The following MAP3K2 variants were observed in gnomAD, a reference collection of about 807,000 sequenced individuals.
The protein encoded by MAP3K2 is MAP/ERK kinase kinase 2.
MAP3K2 carries 24 observed loss-of-function variants against 80.3 expected under a neutral mutation model. The ratio of observed to expected loss-of-function variants is 0.30; its 90% CI spans 0.22 to 0.42. The LOEUF is 0.42. MAP3K2 is among the 10% of genes least tolerant of loss of function. The pLI is 1.00. For synonymous variants in MAP3K2, 244 were observed against 253.7 expected (o/e 0.96, Z 0.36); for missense variants, 608 against 750.1 (o/e 0.81, Z 2.21).
At chr2:127,370,127 C>T (rs548451788) in intron 1 of MAP3K2, among the ~76,000 whole-genome samples, 334 of 151,394 alleles carry the variant, frequency 2.2e-3, no homozygotes, top group Non-Finnish European at 3.6e-3. Context: ...TGGGGGTGGG[C>T]GCAGCACGAC....
chr2:127,303,715 A>G lies in MAP3K2; in HGVS notation c.*3864T>C, dbSNP rs992264176. The G allele has an allele frequency of 6.6e-6, 1 of 152,144 alleles. No homozygotes were observed. Among genetic ancestry groups the G allele is most frequent in the African/African-American group, 2.4e-5 (1 of 41,448 alleles). 9.4% of individuals were successfully genotyped at this position (152,144 alleles called of 1,614,324 possible). A position where few individuals can be genotyped will look rare whatever the true frequency, so the allele number is the denominator to read the frequency against. The stretch of plus-strand genomic sequence containing the variant: ...AATAAGTTACAATTATTGAACAAAC[A>G]AAGAAGATTCATTCTATTAAAAAAG... On this transcript the variant is annotated 3_prime_UTR_variant, in exon 17 of 17. Transcript: ENST00000682094.
intron 6 of MAP3K2, 27 bp downstream of exon 6, chr2:127,330,365 T>C (rs1422207603): frequency 1.3e-5 from 15 of 1,172,930 alleles, no homozygotes; most frequent in East Asian, 4.8e-5. Flanking sequence ...CTATAATTCT[T>C]ACTGAAAAAA....
At chr2:127,388,057 G>A (rs1574015036), upstream of MAP3K2, 1 of 983,600 alleles carries the variant, frequency 1.0e-6, no homozygotes, top group African/African-American at 1.8e-5. Flanking sequence ...AACCCGCCGC[G>A]GGCGCGCGCC....
intron 1 of MAP3K2, among the ~76,000 whole-genome samples, chr2:127,367,004 G>A (rs1422579782): frequency 1.3e-5 from 2 of 151,080 alleles, no homozygotes; most frequent in African/African-American, 4.9e-5. Flanking sequence ...CCGAGTAGCT[G>A]GGATTACAGG....
chr2:127,386,122 A>C (rs912438831), intron 1 of MAP3K2, among the ~76,000 whole-genome samples: 1 of 152,254 alleles, frequency 6.6e-6, no homozygotes, highest in South Asian at 2.1e-4. Context: ...ATAATATACT[A>C]GGAAAATTAC....
chr2:127,341,104 C>T (rs1686473886), intron 2 of MAP3K2, among the ~76,000 whole-genome samples: 1 of 151,908 alleles, frequency 6.6e-6, no homozygotes, highest in African/African-American at 2.4e-5. Context: ...ATTCTCCTGC[C>T]TCAGCCTCCC....
In MAP3K2 at chr2:127,322,914, G is replaced by A. The variant is rs975408392; in HGVS notation, c.839-662C>T. Reference sequence around the variant, plus strand: ...CTGGCCAGTAATTTTTTTTCTTAAAGGGATGATGTAAGTATCAATCTCATC... The same window carrying A: ...CTGGCCAGTAATTTTTTTTCTTAAAAGGATGATGTAAGTATCAATCTCATC... On this transcript the variant is annotated intron_variant, in intron 11 of 16. Transcript: ENST00000682094. This position sits in a 1 kb window ranked among gnomAD's most constrained non-coding sequence, Gnocchi z 4.2. 2.0e-5 allele frequency among the ~76,000 whole-genome samples: 3 copies of A among 150,742 alleles called. No homozygotes were observed. The highest frequency in any genetic ancestry group is 6.6e-5 in the Admixed American group (1 of 15,100).
At chr2:127,380,517 G>A (rs1169743579) in intron 1 of MAP3K2, among the ~76,000 whole-genome samples, 2 of 152,030 alleles carry the variant, frequency 1.3e-5, no homozygotes, top group Non-Finnish European at 2.9e-5. Flanking sequence ...TTGACCACTT[G>A]TAAGAAAACC....
At chr2:127,360,313 C>T (rs931028357) in intron 1 of MAP3K2, among the ~76,000 whole-genome samples, 5 of 149,936 alleles carry the variant, frequency 3.3e-5, no homozygotes, top group Non-Finnish European at 7.4e-5. Context: ...CCCATTTATA[C>T]ACAATTCTAG....
At chr2:127,380,470 T>A (rs1687226938) in intron 1 of MAP3K2, among the ~76,000 whole-genome samples, 1 of 152,252 alleles carries the variant, frequency 6.6e-6, no homozygotes, top group South Asian at 2.1e-4. Flanking sequence ...TAGTGCTTTT[T>A]AAATTTATGG....
intron 11 of MAP3K2, 57 bp downstream of exon 11, chr2:127,323,845 T>C: frequency 1.2e-6 from 1 of 828,116 alleles, no homozygotes. Flanking sequence ...TTTTTGTATT[T>C]ATTTTTGTTG....
chr2:127,364,438 A>G lies in MAP3K2; in HGVS notation c.-65-21244T>C, dbSNP rs543987240. Reference sequence around the variant, plus strand: ...AAACCATCTTTTAAGGGCCCAGCTTAAGCCCTCCCTGTCCTCTTCACCTGG... The same window carrying G: ...AAACCATCTTTTAAGGGCCCAGCTTGAGCCCTCCCTGTCCTCTTCACCTGG... On this transcript the variant is annotated intron_variant, in intron 1 of 16. Transcript: ENST00000682094. The surrounding 1 kb of genome is among the most constrained non-coding windows in gnomAD (Gnocchi z 4.1). 6.6e-6 allele frequency among the ~76,000 whole-genome samples: 1 copy of G among 152,280 alleles called. No homozygotes were observed. Among genetic ancestry groups the G allele is most frequent in the African/African-American group, 2.4e-5 (1 of 41,546 alleles).
intron 1 of MAP3K2, among the ~76,000 whole-genome samples, chr2:127,370,601 G>C (rs1166339762): frequency 6.6e-6 from 1 of 152,194 alleles, no homozygotes; most frequent in Non-Finnish European, 1.5e-5. Context: ...GGGTTTCACA[G>C]GCTCAATTAA....
chr2:127,351,950 C>T (rs1686698545), intron 1 of MAP3K2, among the ~76,000 whole-genome samples: 1 of 151,824 alleles, frequency 6.6e-6, no homozygotes, highest in Non-Finnish European at 1.5e-5. Context: ...AATCATGGCT[C>T]GCTGCAGCCT....
chr2:127,373,184 G>C (rs1489826173), intron 1 of MAP3K2, among the ~76,000 whole-genome samples: 1 of 152,172 alleles, frequency 6.6e-6, no homozygotes, highest in Non-Finnish European at 1.5e-5. Context: ...TTTCTCCCCA[G>C]TAGAAAAGAA....
Position 127,335,842 on chromosome 2 carries a change from C to A in MAP3K2, c.264+28G>T, listed in dbSNP as rs556984946. 8.8e-6 allele frequency: 11 copies of A among 1,251,398 alleles called. No homozygotes were observed. In the South Asian group the frequency reaches 1.5e-4, roughly 17 times the overall value. 77.5% of individuals were successfully genotyped at this position (1,251,398 alleles called of 1,614,324 possible). A position where few individuals can be genotyped will look rare whatever the true frequency, so the allele number is the denominator to read the frequency against. On this transcript the variant is annotated intron_variant, in intron 5 of 16. Coordinates refer to ENST00000682094, the MANE Select transcript of MAP3K2 (RefSeq NM_001371910.2). The stretch of plus-strand genomic sequence containing the variant: ...AACACATTACTTTTGAAGGTAAGAT[C>A]TACTAAAGTTAAACTGTACATGTTT...
At chr2:127,316,097 G>A (rs1360372734) in intron 14 of MAP3K2, among the ~76,000 whole-genome samples, 3 of 151,880 alleles carry the variant, frequency 2.0e-5, no homozygotes, top group Admixed American at 2.0e-4. Context: ...TTGTAGCCAG[G>A]AGCAATGGCT....
intron 1 of MAP3K2, among the ~76,000 whole-genome samples, chr2:127,381,045 AT>A (rs2104903086): frequency 6.6e-6 from 1 of 152,150 alleles, no homozygotes; most frequent in East Asian, 1.9e-4. Flanking sequence ...TTTTTTCCTG[AT>A]TTTTGATACA....
At chr2:127,376,289 T>C (rs1687149265) in intron 1 of MAP3K2, among the ~76,000 whole-genome samples, 2 of 114,288 alleles carry the variant, frequency 1.7e-5, no homozygotes, top group South Asian at 6.1e-4. Flanking sequence ...CCTTTAATCA[T>C]CCACGTGCAG....
Sources: allele counts gnomAD v4.1 joint callset (sites outside exome capture counted in the v4.1 genomes callset), GRCh38; gene constraint gnomAD v4.1.1; non-coding constraint Gnocchi (gnomAD v3.1); transcripts MANE v1.5; gene names NCBI Gene and HGNC (gene_info 2026-07-23, HGNC 2026-07-21).